The following KCTD8 variants were observed in gnomAD, a reference collection of about 807,000 sequenced individuals.
KCTD8 encodes the protein BTB/POZ domain-containing protein KCTD8.
A neutral mutation model predicts 31.5 loss-of-function variants in KCTD8; 27 were observed. The ratio of observed to expected loss-of-function variants is 0.86; its 90% CI spans 0.63 to 1.18. The LOEUF is 1.18. KCTD8 is among the 50% of genes most tolerant of loss of function. The probability of loss-of-function intolerance (pLI) is 0.00; values close to 1 mark genes in which losing one functional copy is unlikely to be tolerated. For synonymous variants in KCTD8, 290 were observed against 280.0 expected (o/e 1.04, Z -0.36); for missense variants, 658 against 647.7 (o/e 1.02, Z -0.17).
intron 1 of KCTD8, among the ~76,000 whole-genome samples, chr4:44,281,472 C>G (rs1716903872): frequency 6.6e-6 from 1 of 152,082 alleles, no homozygotes. Context: ...ACAAATTCTT[C>G]TGGACACTAC....
intron 1 of KCTD8, among the ~76,000 whole-genome samples, chr4:44,340,755 A>G (rs1264474044): frequency 6.6e-6 from 1 of 152,172 alleles, no homozygotes; most frequent in Non-Finnish European, 1.5e-5. Flanking sequence ...AAGAGCATAT[A>G]CTATATGATT....
chr4:44,201,936 A>T (rs1347292061), intron 1 of KCTD8, among the ~76,000 whole-genome samples: 1 of 152,166 alleles, frequency 6.6e-6, no homozygotes, highest in Non-Finnish European at 1.5e-5. Flanking sequence ...AACTTTAAAC[A>T]AATCAACAAG....
At chr4:44,218,991 T>G (rs1019439840) in intron 1 of KCTD8, among the ~76,000 whole-genome samples, 9 of 152,214 alleles carry the variant, frequency 5.9e-5, no homozygotes, top group Non-Finnish European at 2.9e-5. Flanking sequence ...TTGCAAAGCA[T>G]GGCACCATCC....
intron 1 of KCTD8, among the ~76,000 whole-genome samples, chr4:44,190,806 A>C (rs1200800369): frequency 6.6e-6 from 1 of 152,224 alleles, no homozygotes; most frequent in African/African-American, 2.4e-5. Context: ...TGTCTGGTTC[A>C]GTGATTCCTA....
At chr4:44,277,521 C>T (rs530065552) in intron 1 of KCTD8, among the ~76,000 whole-genome samples, 138 of 151,610 alleles carry the variant, frequency 9.1e-4, no homozygotes, top group African/African-American at 3.2e-3. Context: ...AACAGCTACA[C>T]GGAGTAAATC....
intron 1 of KCTD8, among the ~76,000 whole-genome samples, chr4:44,339,319 A>C (rs10517101): frequency 0.029 from 4,477 of 152,244 alleles, 238 homozygotes; most frequent in African/African-American, 0.1. Context: ...GAATCCCTAG[A>C]GAAATTCCAA....
At chr4:44,329,578 T>C (rs1039968843) in intron 1 of KCTD8, among the ~76,000 whole-genome samples, 5 of 151,964 alleles carry the variant, frequency 3.3e-5, no homozygotes, top group African/African-American at 1.2e-4. Context: ...ATGTAACACA[T>C]CCATTATTCT....
chr4:44,319,857 T>A (rs1451487550), intron 1 of KCTD8, among the ~76,000 whole-genome samples: 1 of 151,974 alleles, frequency 6.6e-6, no homozygotes, highest in Non-Finnish European at 1.5e-5. Context: ...AGACTTCCAA[T>A]GAGAAAGGAG....
intron 1 of KCTD8, among the ~76,000 whole-genome samples, chr4:44,227,054 T>C (rs1226136138): frequency 2.0e-5 from 3 of 152,192 alleles, no homozygotes; most frequent in African/African-American, 4.8e-5. Context: ...TTACATCCCA[T>C]GTGTCAATTT....
At chr4:44,229,990 C>A (rs1715076197) in intron 1 of KCTD8, among the ~76,000 whole-genome samples, 1 of 151,802 alleles carries the variant, frequency 6.6e-6, no homozygotes, top group Admixed American at 6.6e-5. Flanking sequence ...CCCTGACAGG[C>A]CCTGGTGTGG....
chr4:44,432,224 TA>T (rs971855657), intron 1 of KCTD8, among the ~76,000 whole-genome samples: 23 of 151,288 alleles, frequency 1.5e-4, no homozygotes, highest in Non-Finnish European at 3.0e-4. Context: ...AAAAGATTTG[TA>T]AAAAAAATTA....
At chr4:44,287,515 T>G (rs1012552357) in intron 1 of KCTD8, among the ~76,000 whole-genome samples, 1 of 152,198 alleles carries the variant, frequency 6.6e-6, no homozygotes, top group African/African-American at 2.4e-5. Flanking sequence ...AAAGGAAATT[T>G]ATCTATCTCA....
intron 1 of KCTD8, among the ~76,000 whole-genome samples, chr4:44,177,806 C>A (rs1577811015): frequency 6.6e-6 from 1 of 152,216 alleles, no homozygotes; most frequent in East Asian, 1.9e-4. Context: ...AGGTTTTAAC[C>A]ATTTAGGTAC....
In KCTD8 at chr4:44,447,926, C is replaced by T. The variant is rs1445767502; in HGVS notation, c.598G>A (p.Gly200Ser). The T allele has an allele frequency of 7.0e-7, 1 of 1,421,226 alleles. No individual in the cohort carries two copies. Among genetic ancestry groups the T allele is most frequent in the Non-Finnish European group, 9.2e-7 (1 of 1,086,980 alleles). 88.0% of individuals were successfully genotyped at this position (1,421,226 alleles called of 1,614,324 possible). A position where few individuals can be genotyped will look rare whatever the true frequency, so the allele number is the denominator to read the frequency against. Residue 200 changes from glycine to serine, a missense_variant, in exon 1 of 2, where the codon GGC becomes AGC. Physicochemically the swap from Gly to Ser is moderately conservative, Grantham distance 56 (BLOSUM62 0). Coordinates refer to ENST00000360029, the MANE Select transcript of KCTD8 (RefSeq NM_198353.3). ...PGAHGGGGGG[G>S]AQDKRSGFLT... ...AAGCCCGAGCGCTTGTCCTGCGCGC[C>T]GCCGCCGCCGCCACCACCGTGCGCT...
chr4:44,412,046 C>T (rs759378779), intron 1 of KCTD8, among the ~76,000 whole-genome samples: 1 of 152,078 alleles, frequency 6.6e-6, no homozygotes, highest in Non-Finnish European at 1.5e-5. Context: ...ATATCTTAAA[C>T]CTAGAATAAA....
At chr4:44,445,550 T>C (rs542047809) in intron 1 of KCTD8, among the ~76,000 whole-genome samples, 1 of 152,246 alleles carries the variant, frequency 6.6e-6, no homozygotes, top group Admixed American at 6.5e-5. Flanking sequence ...ATTAACTAAG[T>C]TTCCAGTTTC....
intron 1 of KCTD8, among the ~76,000 whole-genome samples, chr4:44,310,194 T>C (rs10517094): frequency 0.23 from 35,110 of 152,056 alleles, 4,791 homozygotes; most frequent in Non-Finnish European, 0.31. Flanking sequence ...TAGATTGATA[T>C]GTATTCCAGT....
chr4:44,242,142 C>A (rs1715520943), intron 1 of KCTD8, among the ~76,000 whole-genome samples: 1 of 152,130 alleles, frequency 6.6e-6, no homozygotes, highest in Non-Finnish European at 1.5e-5. Flanking sequence ...ATTTATGGAA[C>A]AACAAGGGCT....
chr4:44,288,917 A>G (rs1038068354), intron 1 of KCTD8, among the ~76,000 whole-genome samples: 6 of 109,722 alleles, frequency 5.5e-5, no homozygotes, highest in Non-Finnish European at 1.1e-4. Flanking sequence ...GAACTTTTCT[A>G]ATCAGTATAT....
Sources: gnomAD v4.1 joint callset for allele counts (sites outside exome capture counted in the v4.1 genomes callset) on GRCh38, gnomAD v4.1.1 for gene constraint, MANE v1.5 for transcripts, NCBI Gene and HGNC (gene_info 2026-07-23, HGNC 2026-07-21) for gene names.